Variants in PBX1 observed in about 807,000 individuals in gnomAD.
The protein encoded by PBX1 is PBX homeobox 1.
PBX1 carries 6 observed loss-of-function variants against 53.4 expected under a neutral mutation model. That is an observed-to-expected ratio of 0.11 (90% CI 0.06 to 0.22). The LOEUF is 0.22. Ranked by LOEUF, PBX1 falls within the 10% of genes least tolerant of loss-of-function variation. PBX1 has a pLI of 1.00. For missense variants in PBX1, 251 were observed against 551.4 expected, an observed-to-expected ratio of 0.46 and a Z score of 5.46; for synonymous variants, 204 against 212.3, an observed-to-expected ratio of 0.96 and a Z score of 0.34.
chr1:164,579,927 A>C (rs184103828), intron 2 of PBX1, among the ~76,000 whole-genome samples: 1 of 152,342 alleles, frequency 6.6e-6, no homozygotes, highest in East Asian at 1.9e-4. Context: ...TAGAGAGTTT[A>C]GTGAATCTTC....
chr1:164,700,543 G>T, intron 2 of PBX1: 2 of 985,270 alleles, frequency 2.0e-6, no homozygotes, highest in Non-Finnish European at 1.2e-6. Flanking sequence ...ACCAGAATGT[G>T]GTGGCTTTGC....
chr1:164,778,470 C>A (rs556358567), intron 2 of PBX1, among the ~76,000 whole-genome samples: 3 of 151,872 alleles, frequency 2.0e-5, no homozygotes, highest in Non-Finnish European at 4.4e-5. Context: ...ATAGGGAGGC[C>A]CTATCTCTAC....
At chr1:164,722,746 A>G (rs1664477165) in intron 2 of PBX1, among the ~76,000 whole-genome samples, 1 of 152,180 alleles carries the variant, frequency 6.6e-6, no homozygotes, top group Non-Finnish European at 1.5e-5. Context: ...ATGCCTTAGC[A>G]ACCAGTGATT....
chr1:164,588,682 A>G (rs1655131792), intron 2 of PBX1, among the ~76,000 whole-genome samples: 3 of 151,216 alleles, frequency 2.0e-5, no homozygotes, highest in South Asian at 4.2e-4. Flanking sequence ...GTTTAGGGGG[A>G]AAAAAAATAA....
At chr1:164,747,632 T>G (rs1443938980) in intron 2 of PBX1, among the ~76,000 whole-genome samples, 1 of 152,128 alleles carries the variant, frequency 6.6e-6, no homozygotes, top group Non-Finnish European at 1.5e-5. Context: ...GAAAAGTGAG[T>G]AAAGCAGGAT....
rs1372566739 is a variant in PBX1 at position 164,820,171 on chromosome 1, A to T, written c.1097A>T (p.Asn366Ile). ...DSYQGAQVGA[N>I]VQSQVDTLRH... ...TACCAAGGGGCCCAGGTTGGAGCCA[A>T]CGTGCAATCACAGGTAGGGACCCAG... Residue 366 changes from asparagine (N) to isoleucine (I), a missense_variant, in exon 7 of 9, where the codon AAC (asparagine) becomes ATC (isoleucine). Physicochemically the swap from Asn to Ile is moderately radical, Grantham distance 149 (BLOSUM62 -3). Around this residue, in one of 4 missense-constraint regions of PBX1, gnomAD observed 92 missense variants for 130.4 expected, o/e 0.71. Coordinates refer to ENST00000420696, the MANE Select transcript of PBX1 (RefSeq NM_002585.4). 6 of 1,606,300 alleles carry T rather than the reference A, an allele frequency of 3.7e-6. No individual in the cohort carries two copies. Among genetic ancestry groups the T allele is most frequent in the Non-Finnish European group, 5.1e-6 (6 of 1,172,932 alleles).
At chr1:164,570,893 G>A (rs1026517112) in intron 2 of PBX1, among the ~76,000 whole-genome samples, 10 of 152,068 alleles carry the variant, frequency 6.6e-5, no homozygotes, top group Non-Finnish European at 1.2e-4. Context: ...TTTAAGGATC[G>A]CCATTCTAAC....
At chr1:164,733,258 G>C (rs959449542) in intron 2 of PBX1, among the ~76,000 whole-genome samples, 1 of 152,140 alleles carries the variant, frequency 6.6e-6, no homozygotes, top group Non-Finnish European at 1.5e-5. Context: ...CCACTAGACT[G>C]AGAACTTCTT....
At chr1:164,741,915 A>G (rs1665633849) in intron 2 of PBX1, among the ~76,000 whole-genome samples, 1 of 151,496 alleles carries the variant, frequency 6.6e-6, no homozygotes. Flanking sequence ...TAATTTTTTT[A>G]AGGTAGATTT....
intron 5 of PBX1, among the ~76,000 whole-genome samples, chr1:164,810,414 A>G (rs1437250188): frequency 6.6e-6 from 1 of 152,158 alleles, no homozygotes; most frequent in East Asian, 1.9e-4. Flanking sequence ...TACCAGTTCC[A>G]TTGTTGTCAT....
intron 2 of PBX1, among the ~76,000 whole-genome samples, chr1:164,882,225 C>T (rs1672677034): frequency 6.6e-6 from 1 of 152,004 alleles, no homozygotes; most frequent in Admixed American, 6.6e-5. Context: ...AGGCCTCTAA[C>T]TCTATGCTGC....
intron 2 of PBX1, among the ~76,000 whole-genome samples, chr1:164,677,114 C>T (rs1028891247): frequency 1.4e-5 from 2 of 145,840 alleles, no homozygotes; most frequent in Non-Finnish European, 3.0e-5. Flanking sequence ...AAGACGGAGT[C>T]TCGCTCTGTC....
rs1180889501 is a variant in PBX1, at chr1:164,849,029, G to C, written c.*2353G>C. On this transcript the variant is annotated 3_prime_UTR_variant, in exon 9 of 9. Transcript: ENST00000420696. ...GGAGCATTTTTGTGACAACTTCATA[G>C]TGATTAGAATCAGTGGAGAACTCCA... 1.6e-6 allele frequency: 2 copies of C among 1,217,330 alleles called. No individual in the cohort carries two copies. Among genetic ancestry groups the C allele is most frequent in the African/African-American group, 3.0e-5 (2 of 65,940 alleles). The allele number at this position is 1,217,330 out of a possible 1,614,324, so 75.4% of individuals were successfully genotyped here.
intron 2 of PBX1, among the ~76,000 whole-genome samples, chr1:164,570,431 T>G (rs1053648050): frequency 2.6e-5 from 4 of 152,098 alleles, no homozygotes; most frequent in Non-Finnish European, 2.9e-5. Context: ...ATTGTCCAAC[T>G]CCCATTTATG....
chr1:164,679,872 A>C (rs1661650995), intron 2 of PBX1, among the ~76,000 whole-genome samples: 1 of 152,138 alleles, frequency 6.6e-6, no homozygotes, highest in Admixed American at 6.5e-5. Context: ...GGAAAACCTG[A>C]GGCTCAGAAA....
intron 2 of PBX1, among the ~76,000 whole-genome samples, chr1:164,596,380 A>G (rs1277392540): frequency 6.6e-6 from 1 of 152,204 alleles, no homozygotes; most frequent in Non-Finnish European, 1.5e-5. Context: ...CACCTTACTC[A>G]TTAACTTTTA....
intron 2 of PBX1, among the ~76,000 whole-genome samples, chr1:164,664,124 A>G (rs1018768737): frequency 2.0e-5 from 3 of 152,226 alleles, no homozygotes; most frequent in African/African-American, 4.8e-5. Flanking sequence ...GTTCAAGAGA[A>G]GGACATAGAT....
At chr1:164,655,098 G>GTTTTTTT (rs1385024281) in intron 2 of PBX1, among the ~76,000 whole-genome samples, 1 of 38,320 alleles carries the variant, frequency 2.6e-5, no homozygotes, top group African/African-American at 8.7e-5. Context: ...TCTCTGATGT[G>GTTTTTTT]TGTTTTTTTT....
intron 2 of PBX1, among the ~76,000 whole-genome samples, chr1:164,736,675 T>C (rs1665308211): frequency 4.0e-5 from 6 of 151,748 alleles, no homozygotes; most frequent in Admixed American, 3.9e-4. Flanking sequence ...GTGAAGCAAA[T>C]ATGAGGCAGA....
Sources: gnomAD v4.1 joint callset for allele counts (sites outside exome capture counted in the v4.1 genomes callset) on GRCh38, gnomAD v4.1.1 for gene constraint, gnomAD v4.1.1 regional missense constraint, MANE v1.5 for transcripts, NCBI Gene and HGNC (gene_info 2026-07-23, HGNC 2026-07-21) for gene names.